Variants in TTN observed in about 807,000 individuals in gnomAD.
TTN encodes the protein connectin.
A neutral mutation model predicts 3,223.0 loss-of-function variants in TTN; 1,525 were observed. The observed-to-expected ratio is 0.47, with a 90% CI of 0.45 to 0.49. The LOEUF is 0.49. TTN is among the 20% of genes least tolerant of loss of function. The probability of loss-of-function intolerance (pLI) is 0.00; values close to 1 mark genes in which losing one functional copy is unlikely to be tolerated. For synonymous variants in TTN, 14,094 were observed against 15,161.0 expected, an observed-to-expected ratio of 0.93 and a Z score of 5.17; for missense variants, 40,786 against 43,424.0, an observed-to-expected ratio of 0.94 and a Z score of 5.40.
At position 178,554,877 on chromosome 2, in the gene TTN, C is replaced by T. The variant is rs747737173; in HGVS notation, c.88582G>A (p.Val29528Ile). 3.5e-5 allele frequency: 56 copies of T among 1,613,768 alleles called. No individual in the cohort carries two copies. Among genetic ancestry groups the T allele is most frequent in the Non-Finnish European group, 4.6e-5 (54 of 1,179,848 alleles). The change falls in exon 331 of 363, where the codon GTA becomes ATA. Residue 29528 changes from valine to isoleucine, a missense_variant. By Grantham distance (29) the Val-to-Ile change is conservative. Coordinates refer to ENST00000589042, the MANE Select transcript of TTN (RefSeq NM_001267550.2). Reference sequence around the variant, plus strand: ...ATTCAGCACCTACCAAGGATCTGTACTCTGATGGTGGCTGAGGCTGAGCCC... The same window carrying T: ...ATTCAGCACCTACCAAGGATCTGTATTCTGATGGTGGCTGAGGCTGAGCCC... ...AMGSASATIR[V>I]QILDKPGPPG...
chr2:178,636,777 T>G lies in TTN; in HGVS notation c.40950A>C (p.Ser13650=), dbSNP rs778416722. The G allele has an allele frequency of 6.2e-7, 1 of 1,600,150 alleles. No individual in the cohort carries two copies. The highest frequency in any genetic ancestry group is 2.2e-5 in the East Asian group (1 of 44,536). ...ACTTTCTCCTTTCGGCTTCTATTGG[T>G]GAAGGAGTCTTTTTGGGTACACCTA... is the stretch of plus-strand genomic sequence containing the variant. ...PIKGVPKKTP[S]PIEAERRKLR... is the part of the protein sequence containing the mutation. The change falls in exon 225 of 363, where the codon TCA becomes TCC. Residue 13650 remains serine (S), a synonymous_variant. Coordinates refer to ENST00000589042, the MANE Select transcript of TTN (RefSeq NM_001267550.2). The surrounding 1 kb of genome is among the most constrained non-coding windows in gnomAD (Gnocchi z 4.3).
intron 273 of TTN, 130 bp downstream of exon 273, chr2:178,609,078 G>T: frequency 7.8e-7 from 1 of 1,275,350 alleles, no homozygotes; most frequent in East Asian, 2.5e-5. Flanking sequence ...TACATGGCCA[G>T]CAGATAAAAT....
chr2:178,633,702 T>C (rs1006605363), intron 231 of TTN, 26 bp from the exon 232 acceptor site: 1 of 1,607,652 alleles, frequency 6.2e-7, no homozygotes, highest in Middle Eastern at 1.7e-4. Context: ...AGCATAAAAT[T>C]AGAAGAATGT....
intron 154 of TTN, 45 bp from the exon 155 acceptor site, chr2:178,672,312 GA>G (rs778258639): frequency 1.4e-4 from 218 of 1,604,362 alleles, no homozygotes; most frequent in Non-Finnish European, 1.8e-4. Context: ...AAACACTGAA[GA>G]AATAAAGATG....
Position 178,782,892 on chromosome 2 carries a change from G to C in TTN, c.3014C>G (p.Ala1005Gly). ...SGIARLMIREAFAEDSGRFTC... is the reference protein window; with the variant it reads ...SGIARLMIREGFAEDSGRFTC... ...AAATCGCCCGCTGTCTTCCGCAAATGCTTCGCGAATCATAAGACGAGCAAT... is the reference window on the plus strand; with the variant it reads ...AAATCGCCCGCTGTCTTCCGCAAATCCTTCGCGAATCATAAGACGAGCAAT... Residue 1005 changes from alanine (A) to glycine (G), a missense_variant, in exon 18 of 363, where the codon GCA becomes GGA. Coordinates refer to ENST00000589042, the MANE Select transcript of TTN (RefSeq NM_001267550.2). 6.2e-7 allele frequency: 1 copy of C among 1,614,108 alleles called. No homozygotes were observed. The highest frequency in any genetic ancestry group is 2.2e-5 in the East Asian group (1 of 44,856).
Position 178,790,070 on chromosome 2 carries a change from C to T in TTN, c.1846G>A (p.Ala616Thr). 1.9e-6 allele frequency: 3 copies of T among 1,613,094 alleles called. No individual in the cohort carries two copies. The highest frequency in any genetic ancestry group is 2.2e-5 in the East Asian group (1 of 44,694). Reference sequence around the variant, plus strand: ...TCTTGTTCTTTGACTTTGGGTGTGGCAACTATGACTTTAGGTACAACTGTT... The same window carrying T: ...TCTTGTTCTTTGACTTTGGGTGTGGTAACTATGACTTTAGGTACAACTGTT... Reference protein sequence around the residue: ...RKTVVPKVIVATPKVKEQDLV... With the variant: ...RKTVVPKVIVTTPKVKEQDLV... Residue 616 changes from alanine to threonine, a missense_variant, in exon 12 of 363, where the codon GCC (alanine) becomes ACC (threonine). By Grantham distance (58) the Ala-to-Thr change is moderately conservative. Coordinates refer to ENST00000589042, the MANE Select transcript of TTN (RefSeq NM_001267550.2).
At position 178,679,331 on chromosome 2, in the gene TTN, G is replaced by A. The variant is rs375939001; in HGVS notation, c.33742+8C>T. 2.9e-4 allele frequency: 471 copies of A among 1,612,146 alleles called. 10 individuals are homozygous for A. The South Asian group carries it at 3.3e-3, about 11-fold the overall frequency. On this transcript the variant is annotated splice_region_variant and intron_variant, in intron 142 of 362. Transcript: ENST00000589042. Reference sequence around the variant, plus strand: ...ATGCTATTCCACTGATGGATTATAAGGATGTACCTTTTGCTGGCGGAGGCT... The same window carrying A: ...ATGCTATTCCACTGATGGATTATAAAGATGTACCTTTTGCTGGCGGAGGCT...
rs1200886276 is a variant in TTN at position 178,663,922 on chromosome 2, A to G, written c.36365-20T>C. ...CTGGCACTTGAAAGATATTAGTGAA[A>G]TTACATTTAGGTGTTATGAAGACCG... On this transcript the variant is annotated intron_variant, in intron 169 of 362. Coordinates refer to ENST00000589042, the MANE Select transcript of TTN (RefSeq NM_001267550.2). The G allele has an allele frequency of 6.2e-7, 1 of 1,612,778 alleles. No individual in the cohort carries two copies. The highest frequency in any genetic ancestry group is 1.3e-5 in the African/African-American group (1 of 74,676).
In TTN at chr2:178,531,581, A is replaced by G; in HGVS notation, c.105034T>C (p.Tyr35012His). 6.2e-7 allele frequency: 1 copy of G among 1,613,994 alleles called. No individual in the cohort carries two copies. Among genetic ancestry groups the G allele is most frequent in the Non-Finnish European group, 8.5e-7 (1 of 1,179,884 alleles). Residue 35012 changes from tyrosine to histidine, a missense_variant, in exon 358 of 363, where the codon TAC becomes CAC. Tyr to His is a moderately conservative substitution (Grantham distance 83). Transcript: ENST00000589042. ...TTGTAGTTGGTGCACACAGCACGGT[A>G]GGTTCCACTGTCATCAGTATGACAG... ...LDCHTDDSGT[Y>H]RAVCTNYKGE...
At position 178,775,807 on chromosome 2, in the gene TTN, C is replaced by G; in HGVS notation, c.6057G>C (p.Lys2019Asn). Residue 2019 changes from lysine (K) to asparagine (N), a missense_variant, in exon 28 of 363, where the codon AAG (lysine) becomes AAC (asparagine). Physicochemically the swap from Lys to Asn is moderately conservative, Grantham distance 94. Coordinates refer to ENST00000589042, the MANE Select transcript of TTN (RefSeq NM_001267550.2). ...CATAGGATTCATCCTTCTTTCGAGA[C>G]TTGAGCTCCACAGCGGTAATGGCTT... ...YYEAITAVEL[K>N]SRKKDESYEE... 6.2e-7 allele frequency: 1 copy of G among 1,613,680 alleles called. No individual in the cohort carries two copies. The highest frequency in any genetic ancestry group is 8.5e-7 in the Non-Finnish European group (1 of 1,179,874).
chr2:178,668,894 C>A (rs940736435), intron 159 of TTN, among the ~76,000 whole-genome samples: 1 of 149,992 alleles, frequency 6.7e-6, no homozygotes, highest in Non-Finnish European at 1.5e-5. Context: ...AAAAAAAGGT[C>A]GTGAGAATTC....
chr2:178,571,241 G>A lies in TTN; in HGVS notation c.74891C>T (p.Pro24964Leu), dbSNP rs72646899. ...LWVKLNKTPI[P>L]QTKFKTTGLE... Reference sequence around the variant, plus strand: ...GCCAGTTGTCTTAAACTTGGTTTGAGGAATAGGTGTTTTATTCAACTTAAC... The same window carrying A: ...GCCAGTTGTCTTAAACTTGGTTTGAAGAATAGGTGTTTTATTCAACTTAAC... The change falls in exon 326 of 363, where the codon CCT (proline) becomes CTT (leucine). Residue 24964 changes from proline to leucine, a missense_variant. Transcript: ENST00000589042. 1.8e-4 allele frequency: 292 copies of A among 1,613,476 alleles called. 3 individuals are homozygous for A. The African/African-American group carries it at 3.5e-3, about 19-fold the overall frequency.
At chr2:178,780,949 T>C (rs1184057028) in intron 21 of TTN, among the ~76,000 whole-genome samples, 172 bp downstream of exon 21, 1 of 152,216 alleles carries the variant, frequency 6.6e-6, no homozygotes, top group Non-Finnish European at 1.5e-5. Flanking sequence ...AATGACAGTA[T>C]AGTTTTTGAG....
At position 178,766,478 on chromosome 2, in the gene TTN, G is replaced by C; in HGVS notation, c.9606C>G (p.Ile3202Met). The change falls in exon 41 of 363, where the codon ATC becomes ATG. Residue 3202 changes from isoleucine (I) to methionine (M), a missense_variant. Coordinates refer to ENST00000589042, the MANE Select transcript of TTN (RefSeq NM_001267550.2). ...ERHKYVVERR[I>M]HRMFISETRQ... ...TGGTCTCAGAGATAAACATTCGGTGGATTCTTCTTTCCACTACATATTTGT... is the reference window on the plus strand; with the variant it reads ...TGGTCTCAGAGATAAACATTCGGTGCATTCTTCTTTCCACTACATATTTGT... 1 of 1,614,078 alleles carries C rather than the reference G, an allele frequency of 6.2e-7. No individual in the cohort carries two copies. The highest frequency in any genetic ancestry group is 8.5e-7 in the Non-Finnish European group (1 of 1,179,986).
chr2:178,634,904 A>T lies in TTN; in HGVS notation c.42025-55T>A. On this transcript the variant is annotated intron_variant, in intron 228 of 362. Transcript: ENST00000589042. This position sits in a 1 kb window ranked among gnomAD's most constrained non-coding sequence, Gnocchi z 4.6. Reference sequence around the variant, plus strand: ...GAAAGAGATAAATTCCCTATAGGAGAAGTGTTTCAGATACAAATTTCTATA... The same window carrying T: ...GAAAGAGATAAATTCCCTATAGGAGTAGTGTTTCAGATACAAATTTCTATA... 1.3e-6 allele frequency: 2 copies of T among 1,558,422 alleles called. No individual in the cohort carries two copies. Among genetic ancestry groups the T allele is most frequent in the South Asian group, 2.4e-5 (2 of 82,126 alleles).
chr2:178,757,432 A>G, intron 45 of TTN, 110 bp downstream of exon 45: 2 of 1,360,034 alleles, frequency 1.5e-6, no homozygotes, highest in Non-Finnish European at 1.9e-6. Context: ...TTAGTAAGTT[A>G]TGGACTGACC....
In TTN at chr2:178,712,108, C is replaced by T. The variant is rs2154295843; in HGVS notation, c.27722G>A (p.Gly9241Glu). The T allele has an allele frequency of 6.2e-7, 1 of 1,613,724 alleles. No individual in the cohort carries two copies. Among genetic ancestry groups the T allele is most frequent in the East Asian group, 2.2e-5 (1 of 44,866 alleles). ...TPEIGVSWYK[G>E]DTKLRPTTTY... ...CGTAGTGGGTCTCAATTTTGTATCTCCTTTATACCAGGATACCCCAATTTC... is the reference window on the plus strand; with the variant it reads ...CGTAGTGGGTCTCAATTTTGTATCTTCTTTATACCAGGATACCCCAATTTC... The change falls in exon 96 of 363, where the codon GGA becomes GAA. Residue 9241 changes from glycine (G) to glutamate (E), a missense_variant. Physicochemically the swap from Gly to Glu is moderately conservative, Grantham distance 98. Transcript: ENST00000589042.
At chr2:178,772,443 G>GT (rs1408482483) in intron 33 of TTN, among the ~76,000 whole-genome samples, 2 of 151,988 alleles carry the variant, frequency 1.3e-5, no homozygotes, top group South Asian at 2.1e-4. Context: ...ATGACTTCTA[G>GT]TTTTTTCTGG....
chr2:178,778,896 G>A lies in TTN; in HGVS notation c.4186C>T (p.Leu1396=). 3.7e-6 allele frequency: 6 copies of A among 1,613,948 alleles called. No individual in the cohort carries two copies. The highest frequency in any genetic ancestry group is 5.1e-6 in the Non-Finnish European group (6 of 1,179,894). ...PLGAPTYIPT[L]EPVSRIRSLS... ...TACCTGATTCTGCTCACTGGCTCTA[G>A]TGTGGGAATGTAAGTCGGAGCTCCA... The change falls in exon 24 of 363, where the codon CTA becomes TTA. Residue 1396 remains leucine, a synonymous_variant. Transcript: ENST00000589042.
Sources: allele counts gnomAD v4.1 joint callset (sites outside exome capture counted in the v4.1 genomes callset), GRCh38; gene constraint gnomAD v4.1.1; non-coding constraint Gnocchi (gnomAD v3.1); transcripts MANE v1.5; gene names NCBI Gene and HGNC (gene_info 2026-07-23, HGNC 2026-07-21).